PPP2R5A: variants seen among roughly 807,000 people sequenced by gnomAD.
The protein encoded by PPP2R5A is protein phosphatase 2 regulatory subunit B'alpha.
Under a neutral mutation model 64.2 loss-of-function variants are expected in PPP2R5A, and 25 were observed. The ratio of observed to expected loss-of-function variants is 0.39; its 90% CI spans 0.28 to 0.54. PPP2R5A has a LOEUF of 0.54. PPP2R5A is among the 20% of genes least tolerant of loss of function. The pLI is 0.67. For missense variants in PPP2R5A, 425 were observed against 576.3 expected (o/e 0.74, Z 2.69); for synonymous variants, 198 against 201.2 (o/e 0.98, Z 0.13).
intron 3 of PPP2R5A, among the ~76,000 whole-genome samples, chr1:212,339,856 A>T (rs534887385): frequency 6.6e-6 from 1 of 152,034 alleles, no homozygotes; most frequent in Non-Finnish European, 1.5e-5. Flanking sequence ...TGCATGCCAC[A>T]TTTGGCTCAT....
chr1:212,317,008 CAT>C, intron 1 of PPP2R5A, among the ~76,000 whole-genome samples: 1 of 152,274 alleles, frequency 6.6e-6, no homozygotes, highest in Non-Finnish European at 1.5e-5. Flanking sequence ...CATTTCAGTT[CAT>C]GTCTTAATCC....
chr1:212,315,785 T>C (rs1659139223), intron 1 of PPP2R5A, among the ~76,000 whole-genome samples: 1 of 152,202 alleles, frequency 6.6e-6, no homozygotes, highest in African/African-American at 2.4e-5. Context: ...TGGAAGGTTT[T>C]TGGCAAACCT....
chr1:212,327,692 G>T (rs147463533), intron 1 of PPP2R5A, among the ~76,000 whole-genome samples: 1 of 152,178 alleles, frequency 6.6e-6, no homozygotes, highest in African/African-American at 2.4e-5. Context: ...GGGATTACAG[G>T]CATGAGCCAC....
At chr1:212,352,191 G>C (rs565375598) in intron 8 of PPP2R5A, among the ~76,000 whole-genome samples, 35 of 148,668 alleles carry the variant, frequency 2.4e-4, no homozygotes, top group African/African-American at 6.7e-4. Flanking sequence ...GCCCGGCTAG[G>C]TTTTTTTTTG....
At chr1:212,306,715 T>C (rs923643140) in intron 1 of PPP2R5A, 6 of 151,658 alleles carry the variant, frequency 4.0e-5, no homozygotes, top group African/African-American at 1.2e-4. Flanking sequence ...TCTCTACCTT[T>C]TGATGGGCTT....
chr1:212,322,758 TA>T (rs1659332600), intron 1 of PPP2R5A, among the ~76,000 whole-genome samples: 4 of 82,848 alleles, frequency 4.8e-5, no homozygotes, highest in Admixed American at 1.1e-4. Context: ...ATTCTCATTT[TA>T]TTTATTTATT....
At chr1:212,304,729 C>T (rs2102416352) in intron 1 of PPP2R5A, among the ~76,000 whole-genome samples, 1 of 145,124 alleles carries the variant, frequency 6.9e-6, no homozygotes, top group South Asian at 2.1e-4. Flanking sequence ...AGGCCGGCCC[C>T]AGTTTTTTTT....
intron 1 of PPP2R5A, among the ~76,000 whole-genome samples, chr1:212,300,645 A>C (rs1303369124): frequency 6.6e-6 from 1 of 152,180 alleles, no homozygotes; most frequent in Non-Finnish European, 1.5e-5. Flanking sequence ...TGTTAATAGA[A>C]TATTACAAAT....
At chr1:212,316,587 C>CTATTTTTTTTTT (rs1659157715) in intron 1 of PPP2R5A, among the ~76,000 whole-genome samples, 1 of 36,670 alleles carries the variant, frequency 2.7e-5, no homozygotes, top group Non-Finnish European at 5.4e-5. Flanking sequence ...TTGTGGGTGA[C>CTATTTTTTTTTT]TTTTTTTTTT....
Position 212,285,895 on chromosome 1 carries a change from G to A in PPP2R5A, c.-216G>A. On this transcript the variant is annotated 5_prime_UTR_variant, in exon 1 of 13. Coordinates refer to ENST00000261461, the MANE Select transcript of PPP2R5A (RefSeq NM_006243.4). ...CGTCAGCCCCGGGAGCTCGCCGCGC[G>A]CCGGGGACCAGGAACCTCCAGCGCT... The A allele has an allele frequency of 2.4e-6, 1 of 417,732 alleles. No homozygotes were observed. Among genetic ancestry groups the A allele is most frequent in the Non-Finnish European group, 4.1e-6 (1 of 244,502 alleles). The allele number at this position is 417,732 out of a possible 1,614,324, so 25.9% of individuals were successfully genotyped here. A position where few individuals can be genotyped will look rare whatever the true frequency, so the allele number is the denominator to read the frequency against.
At chr1:212,352,111 C>A (rs1659895242) in intron 8 of PPP2R5A, among the ~76,000 whole-genome samples, 2 of 151,896 alleles carry the variant, frequency 1.3e-5, no homozygotes, top group South Asian at 4.2e-4. Context: ...GCAACCTCCA[C>A]CTCCTGGGTT....
chr1:212,350,858 C>G (rs1272268076), intron 8 of PPP2R5A, among the ~76,000 whole-genome samples: 3 of 151,062 alleles, frequency 2.0e-5, no homozygotes, highest in Non-Finnish European at 3.0e-5. Flanking sequence ...AAGATAGAGG[C>G]TGGGCATGGT....
At chr1:212,309,162 G>T in intron 1 of PPP2R5A, 1 of 1,234,356 alleles carries the variant, frequency 8.1e-7, no homozygotes, top group Non-Finnish European at 1.2e-6. Flanking sequence ...TGGCCACATT[G>T]GTGTCATAGA....
chr1:212,296,427 C>G (rs1439407839), intron 1 of PPP2R5A, among the ~76,000 whole-genome samples: 1 of 152,154 alleles, frequency 6.6e-6, no homozygotes, highest in Non-Finnish European at 1.5e-5. Flanking sequence ...TTTACATTAA[C>G]CTTTACTGGC....
In PPP2R5A at chr1:212,345,179, A is replaced by G. The variant is rs1228368388; in HGVS notation, c.574-624A>G. Among the ~76,000 whole-genome samples, 4 of 152,056 alleles carry G rather than the reference A, an allele frequency of 2.6e-5. No homozygotes were observed. The East Asian group carries it at 7.7e-4, about 29-fold the overall frequency. On this transcript the variant is annotated intron_variant, in intron 4 of 12. Transcript: ENST00000261461. ...GACTGTCTTAAAAAAAAAAAAAAAAAAATTTGGCCTCATCTTTTAGTCCAG... is the reference window on the plus strand; with the variant it reads ...GACTGTCTTAAAAAAAAAAAAAAAAGAATTTGGCCTCATCTTTTAGTCCAG...
chr1:212,348,937 T>C (rs1180879145), intron 7 of PPP2R5A, among the ~76,000 whole-genome samples: 3 of 152,174 alleles, frequency 2.0e-5, no homozygotes, highest in Non-Finnish European at 4.4e-5. Context: ...CAGTTAACTT[T>C]ATAGTCAGAA....
At chr1:212,328,245 G>C (rs1241162999) in intron 1 of PPP2R5A, among the ~76,000 whole-genome samples, 1 of 152,140 alleles carries the variant, frequency 6.6e-6, no homozygotes, top group African/African-American at 2.4e-5. Context: ...AACCAATTTA[G>C]CTTCAGTACC....
intron 1 of PPP2R5A, among the ~76,000 whole-genome samples, chr1:212,322,817 G>A (rs897435686): frequency 2.7e-5 from 4 of 149,936 alleles, no homozygotes; most frequent in East Asian, 1.9e-4. Flanking sequence ...ATGGAGTCTC[G>A]CTCTGTCGCC....
chr1:212,358,351 A>T (rs1280699763), intron 11 of PPP2R5A: 1 of 163,746 alleles, frequency 6.1e-6, no homozygotes, highest in Non-Finnish European at 1.3e-5. Flanking sequence ...AAGTTTTGGT[A>T]ATTGGATCTT....
Sources: gnomAD v4.1 joint callset for allele counts (sites outside exome capture counted in the v4.1 genomes callset) on GRCh38, gnomAD v4.1.1 for gene constraint, MANE v1.5 for transcripts, NCBI Gene and HGNC (gene_info 2026-07-23, HGNC 2026-07-21) for gene names.